Variants in FLRT1 observed in about 807,000 individuals in gnomAD.
FLRT1 encodes the protein fibronectin leucine rich transmembrane protein 1, also known as leucine-rich repeat transmembrane protein FLRT1.
FLRT1 carries 14 observed loss-of-function variants against 30.9 expected under a neutral mutation model. The observed-to-expected ratio is 0.45, with a 90% CI of 0.30 to 0.71. FLRT1 has a LOEUF of 0.71. Among genes scored for constraint, FLRT1 ranks in the 30% least tolerant of loss-of-function variants. The pLI is 0.08. For synonymous variants in FLRT1, 368 were observed against 430.4 expected, an observed-to-expected ratio of 0.85 and a Z score of 1.80; for missense variants, 737 against 949.2, an observed-to-expected ratio of 0.78 and a Z score of 2.94.
At chr11:64,045,078 C>T (rs1387946205) in intron 1 of FLRT1, among the ~76,000 whole-genome samples, 1 of 152,218 alleles carries the variant, frequency 6.6e-6, no homozygotes, top group African/African-American at 2.4e-5. Context: ...CCTGTGCGGG[C>T]TGAGGGGGAG....
At chr11:64,059,849 T>C (rs1943863614) in intron 1 of FLRT1, among the ~76,000 whole-genome samples, 1 of 152,096 alleles carries the variant, frequency 6.6e-6, no homozygotes, top group Non-Finnish European at 1.5e-5. Flanking sequence ...TAGGCGCTGA[T>C]TGGTTGCTAC....
At chr11:64,098,273 C>T (rs1037840169) in intron 1 of FLRT1, among the ~76,000 whole-genome samples, 7 of 152,226 alleles carry the variant, frequency 4.6e-5, no homozygotes, top group Admixed American at 1.3e-4. Flanking sequence ...GGCCAGGCTC[C>T]GGGCCCTGCT....
chr11:64,088,520 G>C (rs963329982), intron 1 of FLRT1, among the ~76,000 whole-genome samples: 1 of 152,182 alleles, frequency 6.6e-6, no homozygotes, highest in Non-Finnish European at 1.5e-5. Flanking sequence ...GACGGCAGAG[G>C]CTGACTCTCC....
rs1944033371 is a variant in FLRT1 at position 64,067,808 on chromosome 11, C to T, written c.-1038+31649C>T. ...TTCCCTGACTGAGGGGCGGCTGTGCCACCCCCACACTCCTGAAATGGGTGA... is the reference window on the plus strand; with the variant it reads ...TTCCCTGACTGAGGGGCGGCTGTGCTACCCCCACACTCCTGAAATGGGTGA... On this transcript the variant is annotated intron_variant, in intron 1 of 2. Coordinates refer to ENST00000682287, the MANE Select transcript of FLRT1 (RefSeq NM_013280.5). This position sits in a 1 kb window ranked among gnomAD's most constrained non-coding sequence, Gnocchi z 4.6. 6.6e-6 allele frequency among the ~76,000 whole-genome samples: 1 copy of T among 152,120 alleles called. No homozygotes were observed.
chr11:64,102,349 G>C (rs666497), intron 1 of FLRT1, among the ~76,000 whole-genome samples: 70,995 of 151,968 alleles, frequency 0.47, 17,393 homozygotes, highest in African/African-American at 0.61. Flanking sequence ...GGGCGGCTGC[G>C]GGTGTTGAGG....
chr11:64,046,314 A>C (rs1943582859), intron 1 of FLRT1, among the ~76,000 whole-genome samples: 1 of 152,180 alleles, frequency 6.6e-6, no homozygotes, highest in East Asian at 1.9e-4. Context: ...TTGCTACTAG[A>C]GCCTGGTGGG....
chr11:64,048,233 G>A (rs1020032965), intron 1 of FLRT1, among the ~76,000 whole-genome samples: 6 of 152,228 alleles, frequency 3.9e-5, no homozygotes, highest in Admixed American at 3.9e-4. Flanking sequence ...CTCAGCTCCC[G>A]CCGGCAGCTA....
At chr11:64,065,510 C>A (rs1408227649) in intron 1 of FLRT1, among the ~76,000 whole-genome samples, 4 of 152,140 alleles carry the variant, frequency 2.6e-5, no homozygotes, top group African/African-American at 9.7e-5. Context: ...GAACAAGGGG[C>A]CAGGCGCGGT....
chr11:64,046,007 C>T (rs1300300557), intron 1 of FLRT1, among the ~76,000 whole-genome samples: 1 of 152,234 alleles, frequency 6.6e-6, no homozygotes, highest in Non-Finnish European at 1.5e-5. Flanking sequence ...ACGTACAGTA[C>T]TGTATCTCAT....
chr11:64,087,902 G>A (rs988008754), intron 1 of FLRT1, among the ~76,000 whole-genome samples: 4 of 152,182 alleles, frequency 2.6e-5, no homozygotes, highest in Non-Finnish European at 4.4e-5. Context: ...TTCTTTCTGC[G>A]ACAGGGGAGA....
chr11:64,118,332 C>T lies in FLRT1; in HGVS notation c.*40C>T. The T allele has an allele frequency of 6.6e-7, 1 of 1,516,310 alleles. No homozygotes were observed. The highest frequency in any genetic ancestry group is 8.9e-7 in the Non-Finnish European group (1 of 1,128,706). The allele number at this position is 1,516,310 out of a possible 1,614,324, so 93.9% of individuals were successfully genotyped here. On this transcript the variant is annotated 3_prime_UTR_variant, in exon 3 of 3. Coordinates refer to ENST00000682287, the MANE Select transcript of FLRT1 (RefSeq NM_013280.5). Reference sequence around the variant, plus strand: ...GGCTGCCCCGCCTCAGCCCCAGCTGCCCTGGCGTGGCCATGTGGCTTTGCC... The same window carrying T: ...GGCTGCCCCGCCTCAGCCCCAGCTGTCCTGGCGTGGCCATGTGGCTTTGCC...
intron 1 of FLRT1, among the ~76,000 whole-genome samples, chr11:64,094,772 C>T (rs1944548665): frequency 2.6e-5 from 4 of 152,252 alleles, no homozygotes; most frequent in Admixed American, 2.6e-4. Context: ...AAAGTCACCC[C>T]TGACCCCACG....
chr11:64,107,984 A>G (rs646384), intron 2 of FLRT1, among the ~76,000 whole-genome samples: 22,711 of 152,236 alleles, frequency 0.15, 2,107 homozygotes, highest in East Asian at 0.23. Flanking sequence ...AAACATTGAA[A>G]GTAACCTTAT....
chr11:64,091,567 G>A (rs7946301), intron 1 of FLRT1, among the ~76,000 whole-genome samples: 22 of 151,978 alleles, frequency 1.4e-4, no homozygotes, highest in African/African-American at 5.1e-4. Flanking sequence ...CCAGTCCTTC[G>A]GGCGTTTGCA....
Position 64,117,131 on chromosome 11 carries a change from C to T in FLRT1, c.864C>T (p.Asn288=). Residue 288 remains asparagine, a synonymous_variant, in exon 3 of 3, where the codon AAC becomes AAT. Transcript: ENST00000682287. Reference sequence around the variant, plus strand: ...ATGCCATCAGCCACATCCCCTACAACACGCTGGCCAAGATGCGTGAGCTGG... The same window carrying T: ...ATGCCATCAGCCACATCCCCTACAATACGCTGGCCAAGATGCGTGAGCTGG... The part of the protein sequence containing the change: ...QDNAISHIPY[N]TLAKMRELER... The T allele has an allele frequency of 6.2e-7, 1 of 1,612,610 alleles. No homozygotes were observed. Among genetic ancestry groups the T allele is most frequent in the Non-Finnish European group, 8.5e-7 (1 of 1,179,358 alleles).
At chr11:64,045,075 G>A (rs778670011) in intron 1 of FLRT1, among the ~76,000 whole-genome samples, 7 of 152,254 alleles carry the variant, frequency 4.6e-5, no homozygotes, top group Admixed American at 6.5e-5. Flanking sequence ...AGGCCTGTGC[G>A]GGCTGAGGGG....
chr11:64,043,823 T>A (rs1943534321), intron 1 of FLRT1, among the ~76,000 whole-genome samples: 1 of 151,762 alleles, frequency 6.6e-6, no homozygotes, highest in Non-Finnish European at 1.5e-5. Context: ...TCTTTTTTTT[T>A]TTTTTATGAC....
chr11:64,094,325 A>G (rs1008104457), intron 1 of FLRT1, among the ~76,000 whole-genome samples: 44 of 152,066 alleles, frequency 2.9e-4, no homozygotes, highest in African/African-American at 1.1e-3. Context: ...CCAGCTACTC[A>G]GGAGGCTGAG....
At position 64,089,772 on chromosome 11, in the gene FLRT1, G is replaced by A. The variant is rs540905187; in HGVS notation, c.-1037-13422G>A. On this transcript the variant is annotated intron_variant, in intron 1 of 2. Coordinates refer to ENST00000682287, the MANE Select transcript of FLRT1 (RefSeq NM_013280.5). ...GGAAGCTGCCAGTCCCGTGGGGGCA[G>A]GGCTGAGAGGAGGGTAAGGGCTCCT... 4.3e-4 allele frequency among the ~76,000 whole-genome samples: 65 copies of A among 152,288 alleles called. 1 individual carries two copies. The highest frequency in any genetic ancestry group is 1.3e-3 in the African/African-American group (55 of 41,558).
Sources: gnomAD v4.1 joint callset for allele counts (sites outside exome capture counted in the v4.1 genomes callset) on GRCh38, gnomAD v4.1.1 for gene constraint, Gnocchi (gnomAD v3.1) non-coding constraint, MANE v1.5 for transcripts, NCBI Gene and HGNC (gene_info 2026-07-23, HGNC 2026-07-21) for gene names.